CWH43: variants seen among roughly 807,000 people sequenced by gnomAD.
The protein encoded by CWH43 is cell wall biogenesis 43 C-terminal homolog.
In CWH43, 91 loss-of-function variants were observed where a neutral mutation model predicts 85.7. The observed-to-expected ratio is 1.06, with a 90% confidence interval of 0.90 to 1.26. The LOEUF is 1.26. Among genes scored for constraint, CWH43 ranks in the 50% most tolerant of loss-of-function variants. CWH43 has a pLI of 0.00. For missense variants in CWH43, 869 were observed against 839.2 expected, an observed-to-expected ratio of 1.04 and a Z score of -0.44; for synonymous variants, 323 against 293.6, an observed-to-expected ratio of 1.10 and a Z score of -1.02.
intron 14 of CWH43, among the ~76,000 whole-genome samples, chr4:49,046,748 G>A (rs114211280): frequency 2.6e-5 from 4 of 152,190 alleles, no homozygotes; most frequent in South Asian, 2.1e-4. Context: ...GGCCAGTGTC[G>A]CTGGAGTAGA....
At chr4:49,031,129 G>T (rs1292635946) in intron 11 of CWH43, 169 bp downstream of exon 11, 3 of 593,712 alleles carry the variant, frequency 5.1e-6, no homozygotes, top group Non-Finnish European at 8.2e-6. Flanking sequence ...TTTTCAAATG[G>T]TTTTTCTGTG....
chr4:49,011,552 T>C (rs1046226175), intron 8 of CWH43, among the ~76,000 whole-genome samples: 5 of 152,194 alleles, frequency 3.3e-5, no homozygotes, highest in African/African-American at 1.2e-4. Flanking sequence ...AGTTTCTTCA[T>C]AGCATCGACG....
chr4:48,988,546 A>T lies in CWH43; in HGVS notation c.113A>T (p.Glu38Val), dbSNP rs773931611. Residue 38 changes from glutamate to valine, a missense_variant, in exon 2 of 16, where the codon GAA becomes GTA. By Grantham distance (121) the Glu-to-Val change is moderately radical. This residue lies in a region of CWH43 where 140 missense variants were observed against 122.6 expected (regional missense o/e 1.14). Transcript: ENST00000226432. ...MIYYFPLQTLELTGLEGFSIA... is the reference protein window; with the variant it reads ...MIYYFPLQTLVLTGLEGFSIA... The stretch of plus-strand genomic sequence containing the variant: ...TATTACTTTCCTTTGCAAACACTAG[A>T]ACTCACTGGGCTTGAAGGTTTTAGT... The T allele has an allele frequency of 5.0e-6, 8 of 1,613,596 alleles. No homozygotes were observed. The African/African-American group carries it at 9.3e-5, about 19-fold the overall frequency.
At chr4:49,006,636 C>CT (rs1286055726) in intron 7 of CWH43, among the ~76,000 whole-genome samples, 7 of 152,138 alleles carry the variant, frequency 4.6e-5, no homozygotes, top group African/African-American at 1.7e-4. Flanking sequence ...AGTAAGTAAA[C>CT]TTTAAGTGTA....
chr4:49,061,600 A>C (rs1238643501), intron 15 of CWH43, among the ~76,000 whole-genome samples: 1 of 152,200 alleles, frequency 6.6e-6, no homozygotes, highest in Non-Finnish European at 1.5e-5. Flanking sequence ...GCTAGCCAAT[A>C]ATTCTTAAAC....
chr4:48,999,592 C>T (rs954424420), intron 6 of CWH43, among the ~76,000 whole-genome samples: 1 of 152,162 alleles, frequency 6.6e-6, no homozygotes, highest in Non-Finnish European at 1.5e-5. Flanking sequence ...CTGTCCCTCA[C>T]CTGATGGATA....
At chr4:49,011,863 C>A (rs1470281886) in intron 8 of CWH43, among the ~76,000 whole-genome samples, 2 of 152,182 alleles carry the variant, frequency 1.3e-5, no homozygotes, top group Admixed American at 6.5e-5. Flanking sequence ...GATGGGCTTC[C>A]CTTTTTGGGT....
chr4:48,998,314 C>A, intron 5 of CWH43, 146 bp from the exon 6 acceptor site: 1 of 604,572 alleles, frequency 1.7e-6, no homozygotes, highest in South Asian at 2.0e-5. Flanking sequence ...ATATTGGCTT[C>A]CAGTGGGCTC....
chr4:49,025,514 C>CTGCT (rs1783882882), intron 9 of CWH43, among the ~76,000 whole-genome samples: 1 of 152,188 alleles, frequency 6.6e-6, no homozygotes, highest in African/African-American at 2.4e-5. Flanking sequence ...GACTCAAGTG[C>CTGCT]TGCTCTTCAG....
At chr4:48,988,453 C>A in intron 1 of CWH43, 24 bp from the exon 2 acceptor site, 2 of 1,485,980 alleles carry the variant, frequency 1.3e-6, no homozygotes, top group Non-Finnish European at 1.8e-6. Flanking sequence ...CACTTTCTCT[C>A]TTTAACTTTT....
intron 14 of CWH43, among the ~76,000 whole-genome samples, chr4:49,045,842 ATTACC>A (rs1784607258): frequency 6.6e-6 from 1 of 152,148 alleles, no homozygotes; most frequent in Admixed American, 6.6e-5. Flanking sequence ...TTGCATATCA[ATTACC>A]TTAAACATTT....
At chr4:49,031,453 C>G (rs1362662731) in intron 11 of CWH43, among the ~76,000 whole-genome samples, 1 of 152,074 alleles carries the variant, frequency 6.6e-6, no homozygotes, top group Non-Finnish European at 1.5e-5. Flanking sequence ...TTGGGAAGAG[C>G]TGAGGGAACA....
intron 12 of CWH43, among the ~76,000 whole-genome samples, chr4:49,033,242 T>A (rs1784158938): frequency 1.3e-5 from 2 of 152,206 alleles, no homozygotes; most frequent in Admixed American, 6.5e-5. Context: ...TTAAATGACA[T>A]CTCTTCTCTC....
intron 2 of CWH43, among the ~76,000 whole-genome samples, chr4:48,989,617 G>T (rs1388304348): frequency 6.6e-6 from 1 of 152,130 alleles, no homozygotes; most frequent in Non-Finnish European, 1.5e-5. Context: ...CAGTAAAGAT[G>T]AAGTCTTGCT....
At chr4:48,994,479 A>C (rs1348832284) in intron 4 of CWH43, 140 bp from the exon 5 acceptor site, 1 of 663,464 alleles carries the variant, frequency 1.5e-6, no homozygotes, top group African/African-American at 1.8e-5. Flanking sequence ...TTCATATTGT[A>C]GTTGCATGTC....
intron 13 of CWH43, 88 bp from the exon 14 acceptor site, chr4:49,044,698 T>C (rs1298156480): frequency 1.0e-6 from 1 of 966,808 alleles, no homozygotes; most frequent in Non-Finnish European, 1.6e-6. Flanking sequence ...AAAGAGATAT[T>C]TATCATGTAG....
At chr4:49,061,436 A>C (rs1014090250) in intron 15 of CWH43, among the ~76,000 whole-genome samples, 9 of 152,258 alleles carry the variant, frequency 5.9e-5, no homozygotes, top group Admixed American at 1.3e-4. Flanking sequence ...GCACATTAAC[A>C]CATGTAGACA....
chr4:48,987,210 C>T (rs372714417), intron 1 of CWH43, among the ~76,000 whole-genome samples: 1 of 152,026 alleles, frequency 6.6e-6, no homozygotes, highest in Non-Finnish European at 1.5e-5. Flanking sequence ...TGGTAATTCT[C>T]GGGAGTGCTT....
intron 12 of CWH43, among the ~76,000 whole-genome samples, chr4:49,033,348 G>A (rs1428825610): frequency 3.3e-5 from 5 of 152,132 alleles, no homozygotes; most frequent in African/African-American, 1.2e-4. Flanking sequence ...TGGACAACCT[G>A]GCTTAAGTGC....
Sources: gnomAD v4.1 joint callset for allele counts (sites outside exome capture counted in the v4.1 genomes callset) on GRCh38, gnomAD v4.1.1 for gene constraint, gnomAD v4.1.1 regional missense constraint, MANE v1.5 for transcripts, NCBI Gene and HGNC (gene_info 2026-07-23, HGNC 2026-07-21) for gene names.